KCNMA1: variants seen among roughly 807,000 people sequenced by gnomAD.
The protein encoded by KCNMA1 is Calcium-activated potassium channel subunit alpha-1.
A neutral mutation model predicts 140.0 loss-of-function variants in KCNMA1; 29 were observed. The ratio of observed to expected loss-of-function variants is 0.21; its 90% CI spans 0.15 to 0.28. The LOEUF is 0.28. Ranked by LOEUF, KCNMA1 falls within the 10% of genes least tolerant of loss-of-function variation. The pLI is 1.00. For synonymous variants in KCNMA1, 612 were observed against 611.9 expected (o/e 1.00, Z 0.00); for missense variants, 880 against 1,602.2 (o/e 0.55, Z 7.70).
intron 2 of KCNMA1, among the ~76,000 whole-genome samples, chr10:77,289,922 G>A (rs2072568061): frequency 6.6e-6 from 1 of 152,108 alleles, no homozygotes; most frequent in Admixed American, 6.6e-5. Flanking sequence ...AAGCCCATAA[G>A]AGAAACCAGT....
chr10:76,883,600 T>C (rs537118089), downstream of KCNMA1, among the ~76,000 whole-genome samples: 247 of 152,324 alleles, frequency 1.6e-3, 1 homozygote, highest in Non-Finnish European at 2.8e-3. Flanking sequence ...CCAAAGCAAG[T>C]TGGACTAAAT....
intron 1 of KCNMA1, among the ~76,000 whole-genome samples, chr10:77,554,876 G>A (rs1267834039): frequency 1.3e-5 from 2 of 152,244 alleles, no homozygotes; most frequent in African/African-American, 4.8e-5. Flanking sequence ...CTTAGGGAAA[G>A]GGGGCAACAT....
At chr10:76,875,584 C>G (rs1341663003), downstream of KCNMA1, 2 of 152,032 alleles carry the variant, frequency 1.3e-5, no homozygotes, top group Non-Finnish European at 1.5e-5. Context: ...AATGGAAGAT[C>G]CTTTATGTGG....
At chr10:77,161,523 GT>G (rs1272883089) in intron 5 of KCNMA1, among the ~76,000 whole-genome samples, 5 of 152,110 alleles carry the variant, frequency 3.3e-5, no homozygotes, top group East Asian at 1.9e-4. Flanking sequence ...GAGATTACAG[GT>G]GTGAGCCACC....
intron 2 of KCNMA1, among the ~76,000 whole-genome samples, chr10:77,383,342 T>C (rs1380956355): frequency 1.3e-5 from 2 of 151,804 alleles, no homozygotes; most frequent in Non-Finnish European, 2.9e-5. Flanking sequence ...GCAGGTGTGC[T>C]GGGGGCTTCT....
chr10:77,032,655 A>C (rs2094015626), intron 15 of KCNMA1, among the ~76,000 whole-genome samples: 1 of 152,198 alleles, frequency 6.6e-6, no homozygotes, highest in South Asian at 2.1e-4. Context: ...TTATAATAAC[A>C]AGTTAGATTG....
At chr10:76,894,787 G>C (rs2041777763) in intron 25 of KCNMA1, among the ~76,000 whole-genome samples, 1 of 152,082 alleles carries the variant, frequency 6.6e-6, no homozygotes. Flanking sequence ...ACACCTACTA[G>C]AATAGCTGTA....
chr10:77,253,868 A>G (rs577884321), intron 2 of KCNMA1, among the ~76,000 whole-genome samples: 24 of 152,290 alleles, frequency 1.6e-4, no homozygotes, highest in African/African-American at 5.5e-4. Context: ...ATGCCTCTTT[A>G]TCGTGTCAGG....
At chr10:77,072,818 A>ACAGC (rs2096263199) in intron 14 of KCNMA1, among the ~76,000 whole-genome samples, 2 of 152,314 alleles carry the variant, frequency 1.3e-5, no homozygotes, top group African/African-American at 4.8e-5. Context: ...TTTTGTTTTA[A>ACAGC]CAGCGGAGGC....
In KCNMA1 at chr10:77,251,068, C is replaced by T. The variant is rs2059571329; in HGVS notation, c.602+127G>A. The T allele has an allele frequency of 2.1e-5, 16 of 777,528 alleles. No homozygotes were observed. In the Admixed American group the frequency reaches 3.1e-4, roughly 15 times the overall value. 48.2% of individuals were successfully genotyped at this position (777,528 alleles called of 1,614,324 possible). ...GAAAATCAGTACAGTACAGCACTAG[C>T]TTCCTCCAAAATCTTCTGCACTCAG... On this transcript the variant is annotated intron_variant, in intron 3 of 27. Transcript: ENST00000286628.
At chr10:76,896,803 C>T (rs529070566) in intron 25 of KCNMA1, among the ~76,000 whole-genome samples, 1 of 151,914 alleles carries the variant, frequency 6.6e-6, no homozygotes, top group African/African-American at 2.4e-5. Flanking sequence ...CTTTTTGATG[C>T]CATGAACATG....
intron 5 of KCNMA1, among the ~76,000 whole-genome samples, chr10:77,133,499 A>C (rs975364786): frequency 1.8e-4 from 28 of 151,922 alleles, no homozygotes; most frequent in Middle Eastern, 3.4e-3. Flanking sequence ...TGACTATATC[A>C]AATAAAGTGG....
chr10:76,876,392 G>T (rs1371720586), downstream of KCNMA1: 1 of 152,586 alleles, frequency 6.6e-6, no homozygotes, highest in African/African-American at 2.4e-5. Flanking sequence ...TAAGTTGATT[G>T]GAACAAAACA....
chr10:77,076,618 C>T (rs1310257048), intron 13 of KCNMA1, among the ~76,000 whole-genome samples: 6 of 152,182 alleles, frequency 3.9e-5, no homozygotes, highest in South Asian at 4.1e-4. Context: ...AGCAGAGCTG[C>T]GCTGTCTATA....
intron 1 of KCNMA1, among the ~76,000 whole-genome samples, chr10:77,499,726 C>T (rs1261409558): frequency 6.6e-6 from 1 of 152,012 alleles, no homozygotes; most frequent in African/African-American, 2.4e-5. Flanking sequence ...TTAATCAAAA[C>T]AAGGAATTCA....
At chr10:77,358,929 T>A (rs1055701256) in intron 2 of KCNMA1, among the ~76,000 whole-genome samples, 1 of 152,182 alleles carries the variant, frequency 6.6e-6, no homozygotes, top group Non-Finnish European at 1.5e-5. Context: ...CCACCCTCGG[T>A]CAAACCTTCA....
At chr10:77,563,984 T>C (rs1221216369) in intron 1 of KCNMA1, among the ~76,000 whole-genome samples, 2 of 152,360 alleles carry the variant, frequency 1.3e-5, no homozygotes, top group South Asian at 2.1e-4. Flanking sequence ...ATCACAGATG[T>C]GAACAGGCTT....
intron 20 of KCNMA1, among the ~76,000 whole-genome samples, chr10:76,963,355 G>A (rs1257696528): frequency 6.6e-6 from 1 of 152,136 alleles, no homozygotes; most frequent in Non-Finnish European, 1.5e-5. Flanking sequence ...TAGGGCTGTG[G>A]ACCAGCAAGC....
chr10:77,463,767 CATA>C (rs2097922357), intron 1 of KCNMA1, among the ~76,000 whole-genome samples: 1 of 152,054 alleles, frequency 6.6e-6, no homozygotes, highest in African/African-American at 2.4e-5. Context: ...GCTGGGGAAG[CATA>C]GGGGGTGGCA....
Sources: allele counts gnomAD v4.1 joint callset (sites outside exome capture counted in the v4.1 genomes callset), GRCh38; gene constraint gnomAD v4.1.1; transcripts MANE v1.5; gene names NCBI Gene and HGNC (gene_info 2026-07-23, HGNC 2026-07-21).